The following PCBP3 variants were observed in gnomAD, a reference collection of about 807,000 sequenced individuals.
PCBP3 encodes the protein poly(rC) binding protein 3.
PCBP3 carries 25 observed loss-of-function variants against 52.7 expected under a neutral mutation model. That is an observed-to-expected ratio of 0.47 (90% CI 0.35 to 0.66). PCBP3 has a LOEUF of 0.66. Among genes scored for constraint, PCBP3 ranks in the 30% least tolerant of loss-of-function variants. The probability of loss-of-function intolerance (pLI) is 0.01; values close to 1 mark genes in which losing one functional copy is unlikely to be tolerated. For synonymous variants in PCBP3, 162 were observed against 183.0 expected (o/e 0.89, Z 0.93); for missense variants, 391 against 490.3 (o/e 0.80, Z 1.91).
chr21:45,705,928 C>T (rs1298505919), intron 2 of PCBP3, among the ~76,000 whole-genome samples: 1 of 152,216 alleles, frequency 6.6e-6, no homozygotes, highest in East Asian at 1.9e-4. Flanking sequence ...GAGCACGTCC[C>T]TTGTTGGGAC....
At chr21:45,674,924 C>G (rs2081374525) in intron 2 of PCBP3, among the ~76,000 whole-genome samples, 1 of 152,176 alleles carries the variant, frequency 6.6e-6, no homozygotes, top group Non-Finnish European at 1.5e-5. Flanking sequence ...ACAGGGGCCT[C>G]TTTCTCTTGG....
chr21:45,701,786 C>T (rs2083144548), intron 2 of PCBP3, among the ~76,000 whole-genome samples: 2 of 152,216 alleles, frequency 1.3e-5, no homozygotes, highest in Admixed American at 6.5e-5. Flanking sequence ...CCTTGAACTC[C>T]TGACCTCAAA....
chr21:45,764,682 G>A (rs535906373), intron 4 of PCBP3, among the ~76,000 whole-genome samples: 2 of 152,204 alleles, frequency 1.3e-5, no homozygotes, highest in African/African-American at 2.4e-5. Flanking sequence ...TGGGGTACAT[G>A]GAGTCAGCCA....
Position 45,805,610 on chromosome 21 carries a change from T to G in PCBP3, c.-125-44351T>G, listed in dbSNP as rs1009089385. Among the ~76,000 whole-genome samples the G allele has an allele frequency of 2.6e-5, 4 of 152,162 alleles. No homozygotes were observed. Among genetic ancestry groups the G allele is most frequent in the Non-Finnish European group, 1.5e-5 (1 of 68,026 alleles). Reference sequence around the variant, plus strand: ...GCTAGGGGACCTTGAAGATAATGCTTCCTGTCTGCTTTTGTGTCAACAGTT... The same window carrying G: ...GCTAGGGGACCTTGAAGATAATGCTGCCTGTCTGCTTTTGTGTCAACAGTT... On this transcript the variant is annotated intron_variant, in intron 4 of 17. Coordinates refer to ENST00000681687, the MANE Select transcript of PCBP3 (RefSeq NM_001384156.1). The surrounding 1 kb of genome is among the most constrained non-coding windows in gnomAD (Gnocchi z 4.6).
intron 2 of PCBP3, among the ~76,000 whole-genome samples, chr21:45,680,760 G>T (rs761643905): frequency 6.6e-6 from 1 of 152,142 alleles, no homozygotes; most frequent in African/African-American, 2.4e-5. Flanking sequence ...TCCTGTTCCC[G>T]ATGTTAGGGG....
intron 5 of PCBP3, among the ~76,000 whole-genome samples, chr21:45,876,718 A>G (rs569285774): frequency 6.6e-6 from 1 of 152,244 alleles, no homozygotes; most frequent in Non-Finnish European, 1.5e-5. Flanking sequence ...AGCCTGATGC[A>G]GGCACTGAGC....
At chr21:45,854,405 T>G (rs1603451022) in intron 5 of PCBP3, among the ~76,000 whole-genome samples, 1 of 152,104 alleles carries the variant, frequency 6.6e-6, no homozygotes, top group Non-Finnish European at 1.5e-5. Context: ...TGAATCTCTG[T>G]CCCCATTAAA....
chr21:45,786,882 A>C (rs951804976), intron 4 of PCBP3, among the ~76,000 whole-genome samples: 1 of 152,172 alleles, frequency 6.6e-6, no homozygotes, highest in African/African-American at 2.4e-5. Flanking sequence ...ACACCCTCTG[A>C]AGAAATTATT....
chr21:45,915,519 A>G (rs2073242555), intron 12 of PCBP3: 2 of 152,222 alleles, frequency 1.3e-5, no homozygotes, highest in Non-Finnish European at 2.9e-5. Flanking sequence ...GTGGGGTCTT[A>G]AAGCCACTGG....
Position 45,910,940 on chromosome 21 carries a change from G to T in PCBP3, c.510G>T (p.Leu170=). ...GAQVQVAGDM[L]PNSTERAVTI... The stretch of plus-strand genomic sequence containing the variant: ...AGGTGCAGGTGGCTGGGGACATGCT[G>T]CCCAACTCCACGGAGCGAGCGGTGA... The change falls in exon 11 of 18, where the codon CTG becomes CTT. Residue 170 remains leucine (L), a synonymous_variant. Transcript: ENST00000681687. 1 of 1,611,452 alleles carries T rather than the reference G, an allele frequency of 6.2e-7. No homozygotes were observed.
At chr21:45,775,265 C>A (rs1450987877) in intron 4 of PCBP3, among the ~76,000 whole-genome samples, 1 of 151,630 alleles carries the variant, frequency 6.6e-6, no homozygotes, top group Non-Finnish European at 1.5e-5. Context: ...GGAGTTTATC[C>A]ATTTCTTCCA....
At chr21:45,897,246 C>A (rs1187351692) in intron 6 of PCBP3, among the ~76,000 whole-genome samples, 1 of 152,218 alleles carries the variant, frequency 6.6e-6, no homozygotes. Flanking sequence ...AGGGCACCCA[C>A]ACGGATGCGT....
chr21:45,927,552 G>T (rs1003783259), intron 13 of PCBP3, among the ~76,000 whole-genome samples: 1 of 150,718 alleles, frequency 6.6e-6, no homozygotes, highest in Non-Finnish European at 1.5e-5. Context: ...GACTGATCCC[G>T]GGCAGAGCTA....
rs1385161700 is a variant in PCBP3 at position 45,827,098 on chromosome 21, A to ACTC, written c.-125-22861_-125-22859dup. Reference sequence around the variant, plus strand: ...AGCCAGGCTCTCAAGAGCGCTCCCCACTCCCGCGTCCCTGGGGACCACACG... The same window carrying ACTC: ...AGCCAGGCTCTCAAGAGCGCTCCCCACTCCTCCCGCGTCCCTGGGGACCACACG... On this transcript the variant is annotated intron_variant, in intron 4 of 17. Transcript: ENST00000681687. This position sits in a 1 kb window ranked among gnomAD's most constrained non-coding sequence, Gnocchi z 4.3. Among the ~76,000 whole-genome samples the ACTC allele has an allele frequency of 6.6e-6, 1 of 151,810 alleles. No homozygotes were observed. Among genetic ancestry groups the ACTC allele is most frequent in the East Asian group, 1.9e-4 (1 of 5,152 alleles).
intron 1 of PCBP3, among the ~76,000 whole-genome samples, chr21:45,647,802 A>C (rs2079417882): frequency 1.3e-5 from 2 of 152,194 alleles, no homozygotes; most frequent in Non-Finnish European, 2.9e-5. Flanking sequence ...AGCTGTCCAC[A>C]TCCTAATCTC....
In PCBP3 at chr21:45,829,675, TG is replaced by T. The variant is rs1482456936; in HGVS notation, c.-125-20284del. The T allele has an allele frequency of 2.0e-5, 3 of 152,282 alleles. No individual in the cohort carries two copies. Among genetic ancestry groups the T allele is most frequent in the African/African-American group, 7.2e-5 (3 of 41,454 alleles). 9.4% of individuals were successfully genotyped at this position (152,282 alleles called of 1,614,324 possible). Reference sequence around the variant, plus strand: ...GAAGAGCAAAGTTCTGAAGGACAAGTGGCTGTTAATGCCGTGCAGCTGGCTA... The same window carrying T: ...GAAGAGCAAAGTTCTGAAGGACAAGTGCTGTTAATGCCGTGCAGCTGGCTA... On this transcript the variant is annotated intron_variant, in intron 4 of 17. Coordinates refer to ENST00000681687, the MANE Select transcript of PCBP3 (RefSeq NM_001384156.1). This position sits in a 1 kb window ranked among gnomAD's most constrained non-coding sequence, Gnocchi z 5.2.
intron 4 of PCBP3, among the ~76,000 whole-genome samples, chr21:45,764,084 T>C (rs1458205931): frequency 6.6e-6 from 1 of 152,208 alleles, no homozygotes; most frequent in Non-Finnish European, 1.5e-5. Flanking sequence ...AGATAATTGC[T>C]TTTGTAATAC....
Position 45,917,447 on chromosome 21 carries a change from G to T in PCBP3, c.676-141G>T. 2 of 531,416 alleles carry T rather than the reference G, an allele frequency of 3.8e-6. No individual in the cohort carries two copies. Among genetic ancestry groups the T allele is most frequent in the Non-Finnish European group, 6.9e-6 (2 of 291,612 alleles). The allele number at this position is 531,416 out of a possible 1,614,324, so 32.9% of individuals were successfully genotyped here. A position where few individuals can be genotyped will look rare whatever the true frequency, so the allele number is the denominator to read the frequency against. Reference sequence around the variant, plus strand: ...GGTGCCCTGGGAGGGTTGGCCCTTTGTCCTAGGATGGGGACAGGTGGAGAG... The same window carrying T: ...GGTGCCCTGGGAGGGTTGGCCCTTTTTCCTAGGATGGGGACAGGTGGAGAG... On this transcript the variant is annotated intron_variant, in intron 12 of 17. Transcript: ENST00000681687. The surrounding 1 kb of genome is among the most constrained non-coding windows in gnomAD (Gnocchi z 5.3).
chr21:45,787,595 A>G (rs1030470388), intron 4 of PCBP3, among the ~76,000 whole-genome samples: 1 of 152,054 alleles, frequency 6.6e-6, no homozygotes, highest in Non-Finnish European at 1.5e-5. Context: ...TGCTGCCTAA[A>G]TTATATGGTG....
Sources: allele counts gnomAD v4.1 joint callset (sites outside exome capture counted in the v4.1 genomes callset), GRCh38; gene constraint gnomAD v4.1.1; non-coding constraint Gnocchi (gnomAD v3.1); transcripts MANE v1.5; gene names NCBI Gene and HGNC (gene_info 2026-07-23, HGNC 2026-07-21).